Variants in LRRC7 observed in about 807,000 individuals in gnomAD.
LRRC7 encodes leucine-rich repeat-containing protein 7.
A neutral mutation model predicts 175.7 loss-of-function variants in LRRC7; 23 were observed. The ratio of observed to expected loss-of-function variants is 0.13; its 90% CI spans 0.09 to 0.19. LRRC7 has a LOEUF of 0.19. Ranked by LOEUF, LRRC7 falls within the 10% of genes least tolerant of loss-of-function variation. The probability of loss-of-function intolerance (pLI) is 1.00; values close to 1 mark genes in which losing one functional copy is unlikely to be tolerated. For synonymous variants in LRRC7, 685 were observed against 680.9 expected, an observed-to-expected ratio of 1.01 and a Z score of -0.09; for missense variants, 1,354 against 1,904.7, an observed-to-expected ratio of 0.71 and a Z score of 5.38.
chr1:70,128,054 C>T lies in LRRC7; in HGVS notation c.*6167C>T, dbSNP rs1194747673. ...TTGGCTCACTGTAACTTCCACCTCC[C>T]GAGTTCAGGCAATTCTCATGTCTCA... On this transcript the variant is annotated 3_prime_UTR_variant, in exon 27 of 27. Transcript: ENST00000651989. Among the ~76,000 whole-genome samples, 2 of 152,054 alleles carry T rather than the reference C, an allele frequency of 1.3e-5. No individual in the cohort carries two copies. The highest frequency in any genetic ancestry group is 4.8e-5 in the African/African-American group (2 of 41,392).
At chr1:69,913,474 T>A (rs1646592994) in intron 7 of LRRC7, among the ~76,000 whole-genome samples, 1 of 152,188 alleles carries the variant, frequency 6.6e-6, no homozygotes, top group African/African-American at 2.4e-5. Flanking sequence ...AACAATAAGT[T>A]ACATATTCTC....
At chr1:69,854,369 G>C (rs1007165977) in intron 7 of LRRC7, among the ~76,000 whole-genome samples, 1 of 152,116 alleles carries the variant, frequency 6.6e-6, no homozygotes, top group Admixed American at 6.6e-5. Flanking sequence ...CAAGCCTTGT[G>C]ATGTGTGCCT....
At chr1:69,775,360 C>A (rs1264609075) in intron 3 of LRRC7, among the ~76,000 whole-genome samples, 2 of 152,188 alleles carry the variant, frequency 1.3e-5, no homozygotes, top group Admixed American at 1.3e-4. Context: ...TATGACTTGA[C>A]AGTTTGTTAT....
intron 4 of LRRC7, among the ~76,000 whole-genome samples, chr1:69,798,164 CCCT>C (rs1186822737): frequency 6.6e-6 from 1 of 152,110 alleles, no homozygotes; most frequent in African/African-American, 2.4e-5. Flanking sequence ...TTGTAATCTG[CCCT>C]CCTCGGCCTC....
chr1:69,907,236 A>C (rs898829724), intron 7 of LRRC7, among the ~76,000 whole-genome samples: 1 of 152,048 alleles, frequency 6.6e-6, no homozygotes, highest in African/African-American at 2.4e-5. Flanking sequence ...TCTTTTCCTA[A>C]TCGAATACCC....
In LRRC7 at chr1:70,130,944, G is replaced by A. The variant is rs952014351; in HGVS notation, c.*9057G>A. On this transcript the variant is annotated 3_prime_UTR_variant, in exon 27 of 27. Transcript: ENST00000651989. ...TAAAAGAATAGTCTGTCTACAGGCT[G>A]TTGGCCACAGTTGAGCATGACAATG... is the stretch of plus-strand genomic sequence containing the variant. Among the ~76,000 whole-genome samples the A allele has an allele frequency of 6.6e-6, 1 of 152,152 alleles. No individual in the cohort carries two copies. The highest frequency in any genetic ancestry group is 1.9e-4 in the East Asian group (1 of 5,194).
intron 1 of LRRC7, among the ~76,000 whole-genome samples, chr1:69,634,891 G>A (rs916979831): frequency 2.6e-5 from 4 of 152,128 alleles, no homozygotes; most frequent in African/African-American, 9.6e-5. Context: ...GCGGAAAATT[G>A]AGAAGTGAGA....
chr1:69,587,879 C>G (rs1267612897), intron 1 of LRRC7, among the ~76,000 whole-genome samples: 2 of 152,164 alleles, frequency 1.3e-5, no homozygotes, highest in African/African-American at 2.4e-5. Flanking sequence ...AACTGTGAGT[C>G]AATTAAACCC....
At chr1:69,961,284 A>G (rs879269561) in intron 8 of LRRC7, among the ~76,000 whole-genome samples, 6 of 152,202 alleles carry the variant, frequency 3.9e-5, no homozygotes, top group Non-Finnish European at 8.8e-5. Context: ...AGGGAAGTGA[A>G]TGATCTCTAC....
At position 69,933,830 on chromosome 1, in the gene LRRC7, A is replaced by G. The variant is rs145937089; in HGVS notation, c.711+2260A>G. ...AAATTTTAAATTATTTTAATAATGTATGATTTATGGTATCTAAGAAATCCT... is the reference window on the plus strand; with the variant it reads ...AAATTTTAAATTATTTTAATAATGTGTGATTTATGGTATCTAAGAAATCCT... On this transcript the variant is annotated intron_variant, in intron 8 of 26. Transcript: ENST00000651989. Among the ~76,000 whole-genome samples, 497 of 152,298 alleles carry G rather than the reference A, an allele frequency of 3.3e-3. 1 individual carries two copies. Among genetic ancestry groups the G allele is most frequent in the African/African-American group, 0.011 (448 of 41,568 alleles).
At chr1:69,706,707 G>T (rs2100716972) in intron 2 of LRRC7, among the ~76,000 whole-genome samples, 1 of 152,230 alleles carries the variant, frequency 6.6e-6, no homozygotes, top group South Asian at 2.1e-4. Flanking sequence ...GAGGCAGGAA[G>T]CAGGAACACA....
chr1:69,579,031 A>G (rs913217895), intron 1 of LRRC7, among the ~76,000 whole-genome samples: 1 of 152,282 alleles, frequency 6.6e-6, no homozygotes, highest in South Asian at 2.1e-4. Flanking sequence ...CTTGTTTTAA[A>G]TGCCACTTAA....
chr1:70,110,863 G>T (rs764552128), intron 26 of LRRC7, among the ~76,000 whole-genome samples: 5 of 152,152 alleles, frequency 3.3e-5, no homozygotes, highest in African/African-American at 1.2e-4. Context: ...AATATCAGAT[G>T]CTAAGAAGGC....
chr1:69,837,595 T>A (rs1681261447), intron 6 of LRRC7, among the ~76,000 whole-genome samples: 1 of 151,864 alleles, frequency 6.6e-6, no homozygotes, highest in African/African-American at 2.4e-5. Context: ...TTTAGTTTAT[T>A]TATAATCTCT....
At chr1:70,108,224 G>A (rs1031946309) in intron 26 of LRRC7, among the ~76,000 whole-genome samples, 1 of 151,770 alleles carries the variant, frequency 6.6e-6, no homozygotes, top group Non-Finnish European at 1.5e-5. Context: ...TCAACCACAG[G>A]CTTATTACTG....
chr1:70,128,336 C>T lies in LRRC7; in HGVS notation c.*6449C>T, dbSNP rs1178043311. On this transcript the variant is annotated 3_prime_UTR_variant, in exon 27 of 27. Coordinates refer to ENST00000651989, the MANE Select transcript of LRRC7 (RefSeq NM_001370785.2). ...TGTTGAAAGAAAGTTAAATGAATCA[C>T]CCAATCTTTCTCTAGTTTTGAAAGT... Among the ~76,000 whole-genome samples, 1 of 152,198 alleles carries T rather than the reference C, an allele frequency of 6.6e-6. No homozygotes were observed. The highest frequency in any genetic ancestry group is 6.5e-5 in the Admixed American group (1 of 15,276).
rs1271484538 is a variant in LRRC7, at chr1:70,137,339, T to C, written c.*15452T>C. The stretch of plus-strand genomic sequence containing the variant: ...GAAGGAACTTCATCTTAAGGCTTGA[T>C]AACAAAGGCTTACTGTTCCACTTAA... On this transcript the variant is annotated 3_prime_UTR_variant, in exon 27 of 27. Transcript: ENST00000651989. 1.3e-5 allele frequency among the ~76,000 whole-genome samples: 2 copies of C among 152,146 alleles called. No individual in the cohort carries two copies. Among genetic ancestry groups the C allele is most frequent in the African/African-American group, 4.8e-5 (2 of 41,430 alleles).
At chr1:69,698,643 A>G (rs555058167) in intron 2 of LRRC7, among the ~76,000 whole-genome samples, 1 of 152,350 alleles carries the variant, frequency 6.6e-6, no homozygotes, top group African/African-American at 2.4e-5. Context: ...ACATCCCAGT[A>G]TGTATAACTG....
chr1:70,086,390 G>A (rs904069519), intron 24 of LRRC7, among the ~76,000 whole-genome samples: 9 of 152,282 alleles, frequency 5.9e-5, no homozygotes, highest in African/African-American at 2.2e-4. Flanking sequence ...ATCAAGTAAA[G>A]TAGAATTATG....
Sources: allele counts gnomAD v4.1 joint callset (sites outside exome capture counted in the v4.1 genomes callset), GRCh38; gene constraint gnomAD v4.1.1; transcripts MANE v1.5; gene names NCBI Gene and HGNC (gene_info 2026-07-23, HGNC 2026-07-21).